Variants in ZNF608 observed in about 807,000 individuals in gnomAD.
ZNF608 encodes the protein renal carcinoma antigen NY-REN-36.
Under a neutral mutation model 109.0 loss-of-function variants are expected in ZNF608, and 12 were observed. The ratio of observed to expected loss-of-function variants is 0.11; its 90% CI spans 0.07 to 0.18. The LOEUF (loss-of-function observed/expected upper bound fraction) is 0.18. Ranked by LOEUF, ZNF608 falls within the 10% of genes least tolerant of loss-of-function variation. ZNF608 has a pLI of 1.00. For synonymous variants in ZNF608, 732 were observed against 717.4 expected (o/e 1.02, Z -0.33); for missense variants, 1,707 against 1,879.3 (o/e 0.91, Z 1.70).
In ZNF608 at chr5:124,648,184, T is replaced by C. The variant is rs1415513798; in HGVS notation, c.2200A>G (p.Ser734Gly). The change falls in exon 5 of 10, where the codon AGT (serine) becomes GGT (glycine). Residue 734 changes from serine to glycine, a missense_variant. By Grantham distance (56) the Ser-to-Gly change is moderately conservative. Around this residue, in one of 7 missense-constraint regions of ZNF608, gnomAD observed 1,073 missense variants for 1,133.5 expected, o/e 0.95. Transcript: ENST00000513986. Reference protein sequence around the residue: ...KTDKNLSKLKSARPIAPAPAP... With the variant: ...KTDKNLSKLKGARPIAPAPAP... ...GGGGCAGGGGCAATGGGCCGGGCAC[T>C]TTTCAGTTTAGAGAGGTTTTTGTCC... is the stretch of plus-strand genomic sequence containing the variant. The C allele has an allele frequency of 1.9e-6, 3 of 1,613,714 alleles. No individual in the cohort carries two copies. The highest frequency in any genetic ancestry group is 1.7e-6 in the Non-Finnish European group (2 of 1,179,912).
chr5:124,684,597 G>C (rs2149829708), intron 3 of ZNF608, among the ~76,000 whole-genome samples: 1 of 152,330 alleles, frequency 6.6e-6, no homozygotes, highest in South Asian at 2.1e-4. Context: ...GGACGCAACA[G>C]CAGGAATACT....
At chr5:124,716,142 C>CAAAAAA (rs1232356378) in intron 2 of ZNF608, among the ~76,000 whole-genome samples, 89 of 73,602 alleles carry the variant, frequency 1.2e-3, no homozygotes, top group East Asian at 3.4e-3. Flanking sequence ...GAATCCGTCT[C>CAAAAAA]AAAAAAAAAA....
intron 5 of ZNF608, 43 bp downstream of exon 5, chr5:124,646,636 C>A: frequency 6.3e-7 from 1 of 1,575,386 alleles, no homozygotes; most frequent in South Asian, 1.2e-5. Flanking sequence ...ATACAAGTCT[C>A]AGACTGCTCT....
intron 2 of ZNF608, among the ~76,000 whole-genome samples, chr5:124,705,408 G>T (rs1753220143): frequency 1.3e-5 from 2 of 152,046 alleles, no homozygotes. Flanking sequence ...CTAAGAAATG[G>T]GAGTAATAAT....
chr5:124,711,303 T>C (rs1307520579), intron 2 of ZNF608, among the ~76,000 whole-genome samples: 1 of 152,238 alleles, frequency 6.6e-6, no homozygotes, highest in Non-Finnish European at 1.5e-5. Flanking sequence ...TATAGAAACA[T>C]ACAGAGGAAG....
At position 124,744,791 on chromosome 5, in the gene ZNF608, C is replaced by G. The variant is rs759083736; in HGVS notation, c.199G>C (p.Gly67Arg). Residue 67 changes from glycine (G) to arginine (R), a missense_variant, in exon 2 of 10, where the codon GGT (glycine) becomes CGT (arginine). This residue lies in a region of ZNF608 where 407 missense variants were observed against 398.7 expected (regional missense o/e 1.02). Transcript: ENST00000513986. This position sits in a 1 kb window ranked among gnomAD's most constrained non-coding sequence, Gnocchi z 4.5. ...TSSSNSKDCG[G>R]PASSGAGATA... ...GCACCAGCCCCACTGGAGGCCGGAC[C>G]TCCACAATCCTTGGAGTTGCTGCTA... 1 of 1,614,230 alleles carries G rather than the reference C, an allele frequency of 6.2e-7. No homozygotes were observed. Among genetic ancestry groups the G allele is most frequent in the Admixed American group, 1.7e-5 (1 of 60,034 alleles).
chr5:124,644,203 C>A, intron 6 of ZNF608, 41 bp downstream of exon 6: 1 of 1,500,508 alleles, frequency 6.7e-7, no homozygotes, highest in South Asian at 1.4e-5. Flanking sequence ...ATTTGAACAT[C>A]GCCTCTTTCC....
At chr5:124,743,500 A>G (rs1296260341) in intron 2 of ZNF608, among the ~76,000 whole-genome samples, 1 of 152,176 alleles carries the variant, frequency 6.6e-6, no homozygotes, top group Non-Finnish European at 1.5e-5. Context: ...AGGACCAATA[A>G]CAAGAACTCA....
intron 2 of ZNF608, among the ~76,000 whole-genome samples, chr5:124,705,555 A>C (rs1361460492): frequency 1.3e-5 from 2 of 152,156 alleles, no homozygotes; most frequent in African/African-American, 4.8e-5. Context: ...CTAACCCTGC[A>C]CCCAACCTTC....
chr5:124,692,414 T>C (rs1752661513), intron 3 of ZNF608, among the ~76,000 whole-genome samples: 1 of 152,198 alleles, frequency 6.6e-6, no homozygotes, highest in African/African-American at 2.4e-5. Context: ...ACAAAACAGA[T>C]GGAATTTGTG....
At chr5:124,708,105 A>C (rs940013756) in intron 2 of ZNF608, 3 of 152,238 alleles carry the variant, frequency 2.0e-5, no homozygotes, top group African/African-American at 7.2e-5. Context: ...ACTTTATCTA[A>C]GGAGCTGAAA....
At chr5:124,658,901 A>C (rs1330586395) in intron 3 of ZNF608, among the ~76,000 whole-genome samples, 2 of 152,236 alleles carry the variant, frequency 1.3e-5, no homozygotes, top group Non-Finnish European at 2.9e-5. Context: ...ATGAGCCATA[A>C]TAATGACACA....
At chr5:124,711,731 T>G (rs1028224771) in intron 2 of ZNF608, among the ~76,000 whole-genome samples, 4 of 152,024 alleles carry the variant, frequency 2.6e-5, no homozygotes, top group Non-Finnish European at 4.4e-5. Flanking sequence ...CTGAAGGTGG[T>G]CAGTTAAGCC....
chr5:124,712,014 G>A (rs765859746), intron 2 of ZNF608, among the ~76,000 whole-genome samples: 2 of 152,170 alleles, frequency 1.3e-5, no homozygotes, highest in Non-Finnish European at 2.9e-5. Flanking sequence ...CCGGGTGTAG[G>A]TGTGTGCCTA....
rs374851849 is a variant in ZNF608, at chr5:124,644,506, C to T, written c.3861G>A (p.Ser1287=). The change falls in exon 6 of 10, where the codon TCG becomes TCA. Residue 1287 remains serine (S), a synonymous_variant. Transcript: ENST00000513986. ...TGGGCTCCTCTTTAATGCTTGTTAA[C>T]GATACAGGAAGGCTGGGCACACCAC... ...KESGVPSLPV[S]LTSIKEEPKE... is the part of the protein sequence containing the mutation. 3.6e-5 allele frequency: 58 copies of T among 1,614,112 alleles called. No individual in the cohort carries two copies. The highest frequency in any genetic ancestry group is 9.3e-5 in the African/African-American group (7 of 75,032).
chr5:124,706,885 T>C lies in ZNF608; in HGVS notation c.907-5616A>G, dbSNP rs778658086. On this transcript the variant is annotated intron_variant, in intron 2 of 9. Coordinates refer to ENST00000513986, the MANE Select transcript of ZNF608 (RefSeq NM_020747.3). Reference sequence around the variant, plus strand: ...TGCATGCTGAGCAGTAGCCTGGCTATTTATCACGCGAGAGAGCCTAAGAGC... The same window carrying C: ...TGCATGCTGAGCAGTAGCCTGGCTACTTATCACGCGAGAGAGCCTAAGAGC... Among the ~76,000 whole-genome samples the C allele has an allele frequency of 5.3e-5, 8 of 152,166 alleles. 1 individual carries two copies. The highest frequency in any genetic ancestry group is 5.2e-4 in the Admixed American group (8 of 15,276).
chr5:124,736,296 C>T (rs1300470894), intron 2 of ZNF608, among the ~76,000 whole-genome samples: 1 of 152,194 alleles, frequency 6.6e-6, no homozygotes, highest in Non-Finnish European at 1.5e-5. Flanking sequence ...CACAAATAAA[C>T]AGTTCTCCAT....
At chr5:124,649,838 C>T in intron 3 of ZNF608, 141 bp from the exon 4 acceptor site, 2 of 545,972 alleles carry the variant, frequency 3.7e-6, no homozygotes, top group Non-Finnish European at 6.4e-6. Flanking sequence ...TGCATTCTTC[C>T]TCTTTCTGGT....
At chr5:124,748,072 T>C (rs368554905), upstream of ZNF608, among the ~76,000 whole-genome samples, 44 of 152,218 alleles carry the variant, frequency 2.9e-4, no homozygotes, top group African/African-American at 9.9e-4. Flanking sequence ...CCATTACATG[T>C]AATGAGTGAC....
Sources: gnomAD v4.1 joint callset for allele counts (sites outside exome capture counted in the v4.1 genomes callset) on GRCh38, gnomAD v4.1.1 for gene constraint, gnomAD v4.1.1 regional missense constraint, Gnocchi (gnomAD v3.1) non-coding constraint, MANE v1.5 for transcripts, NCBI Gene and HGNC (gene_info 2026-07-23, HGNC 2026-07-21) for gene names.